The following ZDHHC15 variants were observed in gnomAD, a reference collection of about 807,000 sequenced individuals.
The protein encoded by ZDHHC15 is zDHHC palmitoyltransferase 15.
ZDHHC15 carries 19 observed loss-of-function variants against 31.7 expected under a neutral mutation model. The ratio of observed to expected loss-of-function variants is 0.60; its 90% confidence interval spans 0.42 to 0.88. ZDHHC15 has a LOEUF of 0.88. Ranked by LOEUF, ZDHHC15 falls within the 40% of genes least tolerant of loss-of-function variation. ZDHHC15 has a pLI of 0.00. For missense variants in ZDHHC15, 209 were observed against 251.2 expected, an observed-to-expected ratio of 0.83 and a Z score of 1.14; for synonymous variants, 103 against 90.0, an observed-to-expected ratio of 1.14 and a Z score of -0.82.
intron 4 of ZDHHC15, among the ~76,000 whole-genome samples, chrX:75,446,565 T>C (rs1221630511): frequency 8.9e-6 from 1 of 112,364 alleles, no homozygotes; most frequent in African/African-American, 3.2e-5. Context: ...GTGTGAACAC[T>C]CACTCATGGT....
chrX:75,411,774 C>T (rs1246391237), intron 10 of ZDHHC15, among the ~76,000 whole-genome samples: 1 of 110,522 alleles, frequency 9.0e-6, no homozygotes, highest in Non-Finnish European at 1.9e-5. Flanking sequence ...AGTGATACAT[C>T]CAAAATTTAA....
intron 2 of ZDHHC15, among the ~76,000 whole-genome samples, chrX:75,483,520 T>C (rs978156524): frequency 9.0e-6 from 1 of 111,042 alleles, no homozygotes; most frequent in Non-Finnish European, 1.9e-5. Flanking sequence ...TGAGCTATGA[T>C]GTCACCACTG....
chrX:75,438,201 C>A (rs1385970494), intron 4 of ZDHHC15, among the ~76,000 whole-genome samples: 1 of 111,658 alleles, frequency 9.0e-6, no homozygotes, highest in East Asian at 2.8e-4. Flanking sequence ...CTAGTTCAAC[C>A]ATTGTGGAAG....
At chrX:75,471,989 A>G (rs761225891) in intron 3 of ZDHHC15, among the ~76,000 whole-genome samples, 6 of 111,908 alleles carry the variant, frequency 5.4e-5, no homozygotes, top group African/African-American at 1.9e-4. Context: ...TCACCACGTG[A>G]CCTGAACTAT....
chrX:75,460,595 A>G (rs1315840545), intron 3 of ZDHHC15, among the ~76,000 whole-genome samples: 1 of 110,612 alleles, frequency 9.0e-6, no homozygotes, highest in Non-Finnish European at 1.9e-5. Flanking sequence ...GAAGGCTGCC[A>G]TCTTTGTTGT....
intron 2 of ZDHHC15, among the ~76,000 whole-genome samples, chrX:75,482,641 G>C (rs1032302385): frequency 1.3e-4 from 15 of 111,522 alleles, no homozygotes; most frequent in African/African-American, 4.6e-4. Flanking sequence ...ATGCAAAGCA[G>C]GGCTTCATAT....
chrX:75,469,742 G>C (rs1040152637), intron 3 of ZDHHC15, among the ~76,000 whole-genome samples: 1 of 111,439 alleles, frequency 9.0e-6, no homozygotes, highest in Non-Finnish European at 1.9e-5. Flanking sequence ...AAACCCAAAA[G>C]TGGAATTGCT....
chrX:75,400,039 C>A (rs58658042), intron 10 of ZDHHC15, among the ~76,000 whole-genome samples: 6,411 of 111,438 alleles, frequency 0.058, 237 homozygotes, highest in African/African-American at 0.13. Context: ...AAAACCAATG[C>A]AAGAACTCTG....
At chrX:75,455,995 A>C (rs908072472) in intron 3 of ZDHHC15, among the ~76,000 whole-genome samples, 2 of 111,448 alleles carry the variant, frequency 1.8e-5, no homozygotes, top group African/African-American at 6.5e-5. Context: ...CAGCCATCCC[A>C]TTACTGGGTA....
At chrX:75,439,768 T>C (rs191731069) in intron 4 of ZDHHC15, among the ~76,000 whole-genome samples, 1 of 111,346 alleles carries the variant, frequency 9.0e-6, no homozygotes. Context: ...AGAATTGTTT[T>C]TCTTGTTCCT....
chrX:75,436,974 T>C (rs1050336515), intron 4 of ZDHHC15, among the ~76,000 whole-genome samples: 8 of 111,911 alleles, frequency 7.1e-5, no homozygotes, highest in Admixed American at 1.9e-4. Context: ...CTCTGCCTCC[T>C]GGGTTCACGC....
At chrX:75,388,692 A>G (rs188574816) in intron 10 of ZDHHC15, among the ~76,000 whole-genome samples, 21 of 111,854 alleles carry the variant, frequency 1.9e-4, no homozygotes, top group South Asian at 3.7e-4. Flanking sequence ...AACAACCAGA[A>G]AACAAGCAAA....
chrX:75,424,484 C>G (rs1229428116), intron 8 of ZDHHC15, among the ~76,000 whole-genome samples, 168 bp downstream of exon 8: 1 of 111,669 alleles, frequency 9.0e-6, no homozygotes, highest in Non-Finnish European at 1.9e-5. Context: ...GCTTCACTCA[C>G]TATGCCTTTC....
intron 10 of ZDHHC15, among the ~76,000 whole-genome samples, chrX:75,398,755 C>T (rs143907941): frequency 0.017 from 1,894 of 110,621 alleles, 39 homozygotes; most frequent in African/African-American, 0.059. Flanking sequence ...GGGTGGGCTG[C>T]CATCATTGCT....
intron 1 of ZDHHC15, among the ~76,000 whole-genome samples, chrX:75,510,533 C>CT (rs376283663): frequency 0.017 from 1,207 of 69,287 alleles, 35 homozygotes; most frequent in African/African-American, 0.064. Flanking sequence ...CGGAAAATTT[C>CT]TTTTTTTTTT....
intron 2 of ZDHHC15, among the ~76,000 whole-genome samples, chrX:75,486,975 G>GT (rs1376425318): frequency 1.8e-5 from 2 of 111,110 alleles, no homozygotes; most frequent in Non-Finnish European, 3.8e-5. Flanking sequence ...CCTGAAAAAC[G>GT]TGAGTACCCA....
chrX:75,521,813 A>G (rs958106192), intron 1 of ZDHHC15, among the ~76,000 whole-genome samples: 2 of 111,611 alleles, frequency 1.8e-5, no homozygotes, highest in Non-Finnish European at 3.8e-5. Context: ...AGAAATCCCA[A>G]AGGAAGTGGA....
intron 10 of ZDHHC15, among the ~76,000 whole-genome samples, chrX:75,406,656 G>T (rs1210626566): frequency 9.4e-6 from 1 of 106,459 alleles, no homozygotes; most frequent in Non-Finnish European, 1.9e-5. Flanking sequence ...GAAACAGAAT[G>T]CTGAATAAAC....
chrX:75,378,928 G>T (rs1204069914), intron 11 of ZDHHC15, among the ~76,000 whole-genome samples, 192 bp downstream of exon 11: 4 of 111,234 alleles, frequency 3.6e-5, no homozygotes, highest in Non-Finnish European at 7.5e-5. Flanking sequence ...AGGGAATAAG[G>T]GCATCTTTTT....
Sources: gnomAD v4.1 joint callset for allele counts (sites outside exome capture counted in the v4.1 genomes callset) on GRCh38, gnomAD v4.1.1 for gene constraint, MANE v1.5 for transcripts, NCBI Gene and HGNC (gene_info 2026-07-23, HGNC 2026-07-21) for gene names.